The following TUT4 variants were observed in gnomAD, a reference collection of about 807,000 sequenced individuals.
The protein encoded by TUT4 is terminal uridylyl transferase 4.
TUT4 carries 36 observed loss-of-function variants against 192.2 expected under a neutral mutation model. The ratio of observed to expected loss-of-function variants is 0.19; its 90% CI spans 0.14 to 0.25. The LOEUF (loss-of-function observed/expected upper bound fraction) is 0.25. Ranked by LOEUF, TUT4 falls within the 10% of genes least tolerant of loss-of-function variation. The pLI is 1.00. For synonymous variants in TUT4, 618 were observed against 666.0 expected, an observed-to-expected ratio of 0.93 and a Z score of 1.11; for missense variants, 1,493 against 1,957.2, an observed-to-expected ratio of 0.76 and a Z score of 4.47.
Position 52,431,114 on chromosome 1 carries a change from G to A in TUT4, c.4610C>T (p.Ala1537Val), listed in dbSNP as rs1352126125. The A allele has an allele frequency of 1.2e-6, 2 of 1,614,158 alleles. No homozygotes were observed. The highest frequency in any genetic ancestry group is 1.7e-6 in the Non-Finnish European group (2 of 1,180,052). The change falls in exon 28 of 30, where the codon GCT becomes GTT. Residue 1537 changes from alanine to valine, a missense_variant. Around this residue, in one of 7 missense-constraint regions of TUT4, gnomAD observed 351 missense variants for 397.8 expected, o/e 0.88. Transcript: ENST00000257177. Reference sequence around the variant, plus strand: ...GTTAGGGATTGCCACAGGTCTGGCAGCAGGCTGTGCAAAGATGATGCTGGG... The same window carrying A: ...GTTAGGGATTGCCACAGGTCTGGCAACAGGCTGTGCAAAGATGATGCTGGG... Reference protein sequence around the residue: ...NDPSIIFAQPAARPVAIPNTS... With the variant: ...NDPSIIFAQPVARPVAIPNTS...
At chr1:52,531,952 C>T (rs2149525319) in intron 1 of TUT4, among the ~76,000 whole-genome samples, 1 of 131,010 alleles carries the variant, frequency 7.6e-6, no homozygotes, top group South Asian at 2.6e-4. Flanking sequence ...CTGGAGTGCA[C>T]TCTCAGCTCA....
chr1:52,486,534 A>T (rs374131219), intron 9 of TUT4, among the ~76,000 whole-genome samples: 1 of 152,326 alleles, frequency 6.6e-6, no homozygotes, highest in East Asian at 1.9e-4. Context: ...ATAATGTACA[A>T]TATGGCTTAA....
intron 1 of TUT4, among the ~76,000 whole-genome samples, chr1:52,539,299 A>G (rs1448618717): frequency 6.6e-6 from 1 of 152,218 alleles, no homozygotes; most frequent in Non-Finnish European, 1.5e-5. Flanking sequence ...ATAACATTCA[A>G]TGTTATGCTT....
At chr1:52,476,747 T>C (rs1667193141) in intron 12 of TUT4, among the ~76,000 whole-genome samples, 1 of 152,174 alleles carries the variant, frequency 6.6e-6, no homozygotes, top group African/African-American at 2.4e-5. Flanking sequence ...TGTGTATAAA[T>C]GTTTGCATGT....
intron 20 of TUT4, among the ~76,000 whole-genome samples, chr1:52,456,814 A>G (rs1313579639): frequency 1.3e-5 from 2 of 152,198 alleles, no homozygotes; most frequent in Non-Finnish European, 2.9e-5. Flanking sequence ...TATTGTCCAA[A>G]CCCTTAGAAT....
intron 14 of TUT4, among the ~76,000 whole-genome samples, chr1:52,469,603 C>T (rs1450583225): frequency 6.6e-6 from 1 of 151,884 alleles, no homozygotes; most frequent in African/African-American, 2.4e-5. Flanking sequence ...AAGATGGCTA[C>T]ATACAGGCTG....
Position 52,475,473 on chromosome 1 carries a change from C to A in TUT4, c.2086G>T (p.Val696Phe), listed in dbSNP as rs112192735. 3.7e-6 allele frequency: 6 copies of A among 1,614,094 alleles called. No individual in the cohort carries two copies. The highest frequency in any genetic ancestry group is 1.3e-5 in the African/African-American group (1 of 75,044). Reference protein sequence around the residue: ...SLNSQLVYEYVVERFRAAYRY... With the variant: ...SLNSQLVYEYFVERFRAAYRY... ...TAAGCTGCCCTAAATCTCTCCACAACATATTCGTAAACCAGCTGGCTGTTT... is the reference window on the plus strand; with the variant it reads ...TAAGCTGCCCTAAATCTCTCCACAAAATATTCGTAAACCAGCTGGCTGTTT... Residue 696 changes from valine (V) to phenylalanine (F), a missense_variant, in exon 13 of 30, where the codon GTT (valine) becomes TTT (phenylalanine). Val to Phe is a conservative substitution (Grantham distance 50). Around this residue, in one of 7 missense-constraint regions of TUT4, gnomAD observed 437 missense variants for 577.6 expected, o/e 0.76. Coordinates refer to ENST00000257177, the MANE Select transcript of TUT4 (RefSeq NM_001009881.3).
intron 24 of TUT4, among the ~76,000 whole-genome samples, chr1:52,439,645 T>C (rs777292956): frequency 2.1e-4 from 32 of 152,194 alleles, no homozygotes; most frequent in Non-Finnish European, 4.6e-4. Flanking sequence ...TTGGTGAGGA[T>C]GCAGAAAAAC....
chr1:52,534,226 C>G (rs1684282554), intron 1 of TUT4, among the ~76,000 whole-genome samples: 1 of 152,140 alleles, frequency 6.6e-6, no homozygotes, highest in Admixed American at 6.5e-5. Context: ...GTAAGGCTCA[C>G]ATAGGGCCTG....
At chr1:52,535,455 G>A (rs1201388983) in intron 1 of TUT4, among the ~76,000 whole-genome samples, 1 of 151,958 alleles carries the variant, frequency 6.6e-6, no homozygotes, top group Non-Finnish European at 1.5e-5. Context: ...CTAATATTCA[G>A]AACACTAAAA....
chr1:52,498,363 C>G (rs1012649084), intron 4 of TUT4, among the ~76,000 whole-genome samples: 1 of 151,570 alleles, frequency 6.6e-6, no homozygotes, highest in African/African-American at 2.4e-5. Context: ...CCTGCCTCAG[C>G]CTTCCGAGTA....
intron 20 of TUT4, among the ~76,000 whole-genome samples, chr1:52,452,666 T>C (rs1043891032): frequency 3.9e-5 from 6 of 152,234 alleles, no homozygotes; most frequent in Middle Eastern, 3.2e-3. Context: ...TATGCCCTGA[T>C]AGGGCATGAA....
At chr1:52,494,313 A>G (rs1671926330) in intron 6 of TUT4, among the ~76,000 whole-genome samples, 1 of 152,218 alleles carries the variant, frequency 6.6e-6, no homozygotes, top group Admixed American at 6.5e-5. Flanking sequence ...GGATATAGAC[A>G]ACTGGAAGCT....
At chr1:52,451,277 A>AAATAAG (rs893687505) in intron 20 of TUT4, among the ~76,000 whole-genome samples, 1 of 151,964 alleles carries the variant, frequency 6.6e-6, no homozygotes, top group Non-Finnish European at 1.5e-5. Context: ...AAAAAAAAAA[A>AAATAAG]AATAAGAATA....
chr1:52,460,347 T>G (rs1570540271), intron 19 of TUT4, among the ~76,000 whole-genome samples: 1 of 152,118 alleles, frequency 6.6e-6, no homozygotes, highest in Middle Eastern at 3.4e-3. Flanking sequence ...CCAGGCATGG[T>G]GGTGAATGCC....
In TUT4 at chr1:52,480,201, G is replaced by A. The variant is rs538947139; in HGVS notation, c.1848+1222C>T. 2.6e-5 allele frequency among the ~76,000 whole-genome samples: 4 copies of A among 152,078 alleles called. No homozygotes were observed. In the South Asian group the frequency reaches 8.3e-4, roughly 32 times the overall value. ...GTACATACACAAGAAAAAAGGGATCGTGAACTACAGCACTTCAACTTTAAG... is the reference window on the plus strand; with the variant it reads ...GTACATACACAAGAAAAAAGGGATCATGAACTACAGCACTTCAACTTTAAG... On this transcript the variant is annotated intron_variant, in intron 11 of 29. Coordinates refer to ENST00000257177, the MANE Select transcript of TUT4 (RefSeq NM_001009881.3).
At chr1:52,435,578 A>C (rs1280385964) in intron 26 of TUT4, 113 bp from the exon 27 acceptor site, 1 of 804,242 alleles carries the variant, frequency 1.2e-6, no homozygotes, top group East Asian at 2.7e-5. Flanking sequence ...GCAATTTTAT[A>C]AACTTGGACT....
At chr1:52,510,335 A>AG (rs1354989192) in intron 3 of TUT4, among the ~76,000 whole-genome samples, 4 of 147,026 alleles carry the variant, frequency 2.7e-5, no homozygotes, top group Non-Finnish European at 4.6e-5. Context: ...AAAAAAAAAA[A>AG]AAAAAAGAAA....
chr1:52,440,184 AAAATT>A (rs1655080389), intron 24 of TUT4, among the ~76,000 whole-genome samples: 1 of 152,252 alleles, frequency 6.6e-6, no homozygotes, highest in South Asian at 2.1e-4. Flanking sequence ...AAAATGTTCT[AAAATT>A]AAATTGTGGG....
Sources: gnomAD v4.1 joint callset for allele counts (sites outside exome capture counted in the v4.1 genomes callset) on GRCh38, gnomAD v4.1.1 for gene constraint, gnomAD v4.1.1 regional missense constraint, MANE v1.5 for transcripts, NCBI Gene and HGNC (gene_info 2026-07-23, HGNC 2026-07-21) for gene names.